The following PIK3C2G variants were observed in gnomAD, a reference collection of about 807,000 sequenced individuals.
The protein encoded by PIK3C2G is phosphatidylinositol-4-phosphate 3-kinase catalytic subunit type 2 gamma.
Under a neutral mutation model 181.1 loss-of-function variants are expected in PIK3C2G, and 168 were observed. The observed-to-expected ratio is 0.93, with a 90% CI of 0.82 to 1.05. PIK3C2G has a LOEUF of 1.05. Among genes scored for constraint, PIK3C2G ranks in the 50% least tolerant of loss-of-function variants. PIK3C2G has a pLI of 0.00. For synonymous variants in PIK3C2G, 573 were observed against 592.2 expected (o/e 0.97, Z 0.47); for missense variants, 1,869 against 1,732.8 (o/e 1.08, Z -1.40).
chr12:18,391,286 C>T, intron 15 of PIK3C2G, 34 bp downstream of exon 15: 1 of 1,508,106 alleles, frequency 6.6e-7, no homozygotes, highest in East Asian at 2.4e-5. Context: ...TGAATTTTTG[C>T]CTGCTGTTTA....
chr12:18,249,766 ATCT>A (rs1254082046), intron 1 of PIK3C2G, among the ~76,000 whole-genome samples: 4 of 122,016 alleles, frequency 3.3e-5, no homozygotes, highest in Non-Finnish European at 5.4e-5. Context: ...GAAATTGAAA[ATCT>A]TCTGCTAACT....
chr12:18,724,573 A>T, the PIK3C2G span, among the ~76,000 whole-genome samples: 4,472 of 152,234 alleles, frequency 0.029, 109 homozygotes, highest in Non-Finnish European at 0.043. Context: ...GTCAAATCAG[A>T]TGCGGGGTCT....
At chr12:18,615,212 T>C (rs1204886303) in intron 31 of PIK3C2G, among the ~76,000 whole-genome samples, 1 of 151,984 alleles carries the variant, frequency 6.6e-6, no homozygotes, top group Non-Finnish European at 1.5e-5. Context: ...CATGAGAATA[T>C]AAAATGTTTA....
chr12:18,405,208 T>A (rs1197064617), intron 16 of PIK3C2G, among the ~76,000 whole-genome samples: 1 of 152,194 alleles, frequency 6.6e-6, no homozygotes, highest in Non-Finnish European at 1.5e-5. Context: ...ATGCCTGGTA[T>A]GCAGTTGTGT....
chr12:18,292,880 C>T (rs528896567), intron 4 of PIK3C2G, among the ~76,000 whole-genome samples: 3 of 152,144 alleles, frequency 2.0e-5, no homozygotes, highest in Non-Finnish European at 4.4e-5. Flanking sequence ...ACTGTGGAGA[C>T]TTACAGTCAT....
intron 6 of PIK3C2G, among the ~76,000 whole-genome samples, chr12:18,320,559 G>A (rs1315401363): frequency 2.0e-5 from 3 of 152,226 alleles, no homozygotes; most frequent in Admixed American, 6.5e-5. Flanking sequence ...AGTTGATTAT[G>A]TGTCTGCCCG....
chr12:18,487,601 T>G (rs945111777), intron 18 of PIK3C2G, among the ~76,000 whole-genome samples: 1 of 152,112 alleles, frequency 6.6e-6, no homozygotes, highest in East Asian at 1.9e-4. Flanking sequence ...TTTAAGGGTA[T>G]AATAGAAAGT....
At chr12:18,703,075 T>C in the PIK3C2G span, among the ~76,000 whole-genome samples, 29 of 152,132 alleles carry the variant, frequency 1.9e-4, no homozygotes, top group African/African-American at 6.5e-4. Context: ...GATTCATATA[T>C]AATAGGAAGC....
chr12:18,305,686 A>C (rs1187437575), intron 5 of PIK3C2G, among the ~76,000 whole-genome samples: 1 of 152,112 alleles, frequency 6.6e-6, no homozygotes, highest in Non-Finnish European at 1.5e-5. Context: ...CCTTAATAAG[A>C]CAAAACATTA....
At chr12:18,272,691 G>T (rs1200133084) in intron 1 of PIK3C2G, among the ~76,000 whole-genome samples, 1 of 123,226 alleles carries the variant, frequency 8.1e-6, no homozygotes. Context: ...TGAATTCATG[G>T]ATATAAACAT....
At chr12:18,315,460 G>T (rs1004727832) in intron 6 of PIK3C2G, among the ~76,000 whole-genome samples, 5 of 152,140 alleles carry the variant, frequency 3.3e-5, no homozygotes, top group Non-Finnish European at 7.4e-5. Flanking sequence ...TAAAATGTAT[G>T]ATTCTAATTT....
chr12:18,534,839 A>G (rs976370495), intron 24 of PIK3C2G, among the ~76,000 whole-genome samples: 1 of 151,956 alleles, frequency 6.6e-6, no homozygotes, highest in Non-Finnish European at 1.5e-5. Flanking sequence ...AGTAGTTACA[A>G]TATGAATAAA....
At chr12:18,704,652 G>A in the PIK3C2G span, among the ~76,000 whole-genome samples, 1 of 152,056 alleles carries the variant, frequency 6.6e-6, no homozygotes, top group East Asian at 1.9e-4. Context: ...TAAAGAGACA[G>A]CCAGAGAGAG....
intron 1 of PIK3C2G, among the ~76,000 whole-genome samples, chr12:18,250,558 G>C (rs1381559460): frequency 2.6e-5 from 4 of 151,958 alleles, no homozygotes; most frequent in Non-Finnish European, 4.4e-5. Context: ...CAGAAACAAA[G>C]CAGATATTCC....
At chr12:18,432,859 C>T (rs1175767121) in intron 18 of PIK3C2G, among the ~76,000 whole-genome samples, 2 of 152,168 alleles carry the variant, frequency 1.3e-5, no homozygotes, top group Non-Finnish European at 2.9e-5. Context: ...TATGATATCT[C>T]ATGCCCAATT....
intron 17 of PIK3C2G, among the ~76,000 whole-genome samples, chr12:18,423,073 T>G (rs1031637421): frequency 1.3e-5 from 2 of 151,978 alleles, no homozygotes; most frequent in Admixed American, 6.6e-5. Context: ...GATATTGTAC[T>G]CATTTTTTCC....
intron 24 of PIK3C2G, among the ~76,000 whole-genome samples, chr12:18,527,330 G>C (rs1245296008): frequency 1.3e-5 from 2 of 152,140 alleles, no homozygotes; most frequent in Non-Finnish European, 2.9e-5. Flanking sequence ...TAAAGAAATA[G>C]TGCCCCACTT....
intron 1 of PIK3C2G, among the ~76,000 whole-genome samples, chr12:18,267,659 C>A (rs1393309188): frequency 6.6e-6 from 1 of 152,172 alleles, no homozygotes; most frequent in Non-Finnish European, 1.5e-5. Context: ...TATGAACAGA[C>A]TTCATCTGAT....
rs1248907536 is a variant in PIK3C2G at position 18,538,241 on chromosome 12, G to A, written c.3409G>A (p.Val1137Met). 2 of 1,612,206 alleles carry A rather than the reference G, an allele frequency of 1.2e-6. No individual in the cohort carries two copies. Among genetic ancestry groups the A allele is most frequent in the Non-Finnish European group, 1.7e-6 (2 of 1,179,068 alleles). ...GKNPQHFQDF[V>M]ELCCRAYNII... ...AAACCCACAGCATTTTCAAGATTTT[G>A]TGGAACTTTGCTGTCGTGCTTATAA... Residue 1137 changes from valine to methionine, a missense_variant, in exon 25 of 33, where the codon GTG becomes ATG. Val to Met is a conservative substitution (Grantham distance 21). Coordinates refer to ENST00000538779, the MANE Select transcript of PIK3C2G (RefSeq NM_001288772.2).
Sources: gnomAD v4.1 joint callset for allele counts (sites outside exome capture counted in the v4.1 genomes callset) on GRCh38, gnomAD v4.1.1 for gene constraint, MANE v1.5 for transcripts, NCBI Gene and HGNC (gene_info 2026-07-23, HGNC 2026-07-21) for gene names.